The following ANKS1B variants were observed in gnomAD, a reference collection of about 807,000 sequenced individuals.
ANKS1B encodes the protein ankyrin repeat and sterile alpha motif domain containing 1B, also known as ankyrin repeat and sterile alpha motif domain-containing protein 1B.
In ANKS1B, 36 loss-of-function variants were observed where a neutral mutation model predicts 148.3. That is an observed-to-expected ratio of 0.24 (90% confidence interval 0.19 to 0.32). The LOEUF (loss-of-function observed/expected upper bound fraction) is 0.32. Among genes scored for constraint, ANKS1B ranks in the 10% least tolerant of loss-of-function variants. ANKS1B has a pLI of 1.00. For missense variants in ANKS1B, 1,157 were observed against 1,542.6 expected (o/e 0.75, Z 4.19); for synonymous variants, 542 against 560.8 (o/e 0.97, Z 0.47).
At chr12:99,880,560 T>C (rs768328888) in intron 1 of ANKS1B, among the ~76,000 whole-genome samples, 4 of 152,200 alleles carry the variant, frequency 2.6e-5, no homozygotes, top group Non-Finnish European at 4.4e-5. Context: ...TGGACCAAAT[T>C]ATTTCTCCAT....
intron 11 of ANKS1B, among the ~76,000 whole-genome samples, chr12:99,434,795 T>C (rs2095432907): frequency 6.6e-6 from 1 of 152,046 alleles, no homozygotes; most frequent in African/African-American, 2.4e-5. Context: ...TCATTCAGGC[T>C]GTCTAGACAT....
chr12:99,695,511 AG>A (rs1169702331), intron 8 of ANKS1B, among the ~76,000 whole-genome samples: 9 of 152,244 alleles, frequency 5.9e-5, no homozygotes, highest in African/African-American at 1.9e-4. Flanking sequence ...GAGAAGTTCC[AG>A]CCAGAATTCA....
At chr12:99,361,266 A>G (rs1407159835) in intron 12 of ANKS1B, among the ~76,000 whole-genome samples, 2 of 150,160 alleles carry the variant, frequency 1.3e-5, no homozygotes, top group East Asian at 3.8e-4. Flanking sequence ...TGTAACCACA[A>G]ACATTAAAAA....
chr12:99,135,538 A>G (rs2067738114), intron 15 of ANKS1B, among the ~76,000 whole-genome samples: 1 of 152,204 alleles, frequency 6.6e-6, no homozygotes, highest in African/African-American at 2.4e-5. Context: ...GATAAAAGAA[A>G]CAACGTCAGA....
At chr12:99,743,589 GAGGT>G (rs2153583892) in intron 8 of ANKS1B, among the ~76,000 whole-genome samples, 1 of 152,310 alleles carries the variant, frequency 6.6e-6, no homozygotes, top group Admixed American at 6.5e-5. Flanking sequence ...TGTGGCTGGA[GAGGT>G]ACCTTTATGC....
chr12:99,902,471 T>C (rs906135278), intron 1 of ANKS1B, among the ~76,000 whole-genome samples: 9 of 152,270 alleles, frequency 5.9e-5, no homozygotes, highest in Middle Eastern at 3.4e-3. Context: ...CGGAAATCCA[T>C]TGAAGTGCTT....
chr12:99,051,935 A>G (rs1183669901), intron 17 of ANKS1B, among the ~76,000 whole-genome samples: 1 of 151,918 alleles, frequency 6.6e-6, no homozygotes, highest in African/African-American at 2.4e-5. Context: ...TTTTGGCGAG[A>G]AAGTGACATA....
At chr12:99,130,616 ATCAAAG>A (rs1454751955) in intron 15 of ANKS1B, among the ~76,000 whole-genome samples, 5 of 152,116 alleles carry the variant, frequency 3.3e-5, no homozygotes, top group Non-Finnish European at 5.9e-5. Flanking sequence ...CTATAGTGCC[ATCAAAG>A]TCAGAGTATT....
intron 9 of ANKS1B, among the ~76,000 whole-genome samples, chr12:99,507,649 T>A (rs920404856): frequency 6.6e-6 from 1 of 151,950 alleles, no homozygotes; most frequent in South Asian, 2.1e-4. Context: ...AGAATGTAAG[T>A]CTTTGTAGAA....
chr12:99,626,109 T>A (rs1221636038), intron 9 of ANKS1B, among the ~76,000 whole-genome samples: 1 of 152,128 alleles, frequency 6.6e-6, no homozygotes, highest in African/African-American at 2.4e-5. Context: ...TTCTTCTATA[T>A]CAAAATGAAA....
chr12:99,804,080 A>C, intron 4 of ANKS1B, among the ~76,000 whole-genome samples: 1 of 152,216 alleles, frequency 6.6e-6, no homozygotes, highest in East Asian at 1.9e-4. Flanking sequence ...TGGTCATGTC[A>C]TCTAGTACAA....
At chr12:99,717,150 C>A (rs1376901363) in intron 8 of ANKS1B, among the ~76,000 whole-genome samples, 1 of 152,108 alleles carries the variant, frequency 6.6e-6, no homozygotes, top group Non-Finnish European at 1.5e-5. Flanking sequence ...CAGCCCTGGA[C>A]CCTAAAAGGT....
chr12:99,923,879 A>C (rs996095201), intron 1 of ANKS1B, among the ~76,000 whole-genome samples: 1 of 152,104 alleles, frequency 6.6e-6, no homozygotes, highest in African/African-American at 2.4e-5. Context: ...GGGTGAGGAG[A>C]GTGAGGCATT....
At chr12:98,874,569 G>A (rs1035660512) in intron 17 of ANKS1B, among the ~76,000 whole-genome samples, 2 of 152,130 alleles carry the variant, frequency 1.3e-5, no homozygotes, top group African/African-American at 4.8e-5. Context: ...GTTGTTTGGG[G>A]TGGATAGAAC....
chr12:99,940,785 G>A (rs189880570), intron 1 of ANKS1B, among the ~76,000 whole-genome samples: 72 of 152,220 alleles, frequency 4.7e-4, no homozygotes, highest in Admixed American at 1.7e-3. Flanking sequence ...TGAGTCATGA[G>A]AAGATACAAG....
chr12:99,732,752 T>A (rs568577268), intron 8 of ANKS1B, among the ~76,000 whole-genome samples: 31 of 152,292 alleles, frequency 2.0e-4, no homozygotes, highest in Non-Finnish European at 3.8e-4. Context: ...CTAATTTTTT[T>A]AAAAAGGTCA....
intron 12 of ANKS1B, among the ~76,000 whole-genome samples, chr12:99,324,731 A>G (rs1267336677): frequency 6.6e-6 from 1 of 152,188 alleles, no homozygotes; most frequent in African/African-American, 2.4e-5. Flanking sequence ...GAGGCTGTAC[A>G]AAGTTACCTC....
chr12:99,263,991 CA>C (rs1319945945), intron 12 of ANKS1B, among the ~76,000 whole-genome samples: 7 of 152,154 alleles, frequency 4.6e-5, no homozygotes, highest in Non-Finnish European at 8.8e-5. Flanking sequence ...TCTTGAATCT[CA>C]AGTTCAAATC....
chr12:99,529,510 G>C (rs992536241), intron 9 of ANKS1B, among the ~76,000 whole-genome samples: 2 of 152,040 alleles, frequency 1.3e-5, no homozygotes, highest in African/African-American at 4.8e-5. Context: ...AAAATGAGCA[G>C]GGCATGGTGG....
Sources: gnomAD v4.1 joint callset for allele counts (sites outside exome capture counted in the v4.1 genomes callset) on GRCh38, gnomAD v4.1.1 for gene constraint, MANE v1.5 for transcripts, NCBI Gene and HGNC (gene_info 2026-07-23, HGNC 2026-07-21) for gene names.